The following PTCH1 variants were observed in gnomAD, a reference collection of about 807,000 sequenced individuals.
PTCH1 encodes protein patched homolog 1.
PTCH1 carries 14 observed loss-of-function variants against 144.6 expected under a neutral mutation model. The ratio of observed to expected loss-of-function variants is 0.10; its 90% confidence interval spans 0.06 to 0.15. PTCH1 has a LOEUF of 0.15. PTCH1 is among the 10% of genes least tolerant of loss of function. The pLI, the probability that PTCH1 is intolerant of heterozygous loss-of-function variation, is 1.00. For missense variants in PTCH1, 1,623 were observed against 1,948.3 expected (o/e 0.83, Z 3.14); for synonymous variants, 833 against 793.6 (o/e 1.05, Z -0.83).
At chr9:95,509,724 C>T (rs34241213), upstream of PTCH1, among the ~76,000 whole-genome samples, 3,696 of 152,256 alleles carry the variant, frequency 0.024, 78 homozygotes, top group Admixed American at 0.058. Flanking sequence ...TCAGAGGCAC[C>T]TTGGCCTCAA....
At chr9:95,485,915 C>T (rs1316699688) in intron 2 of PTCH1, 41 bp from the exon 3 acceptor site, 6 of 1,606,764 alleles carry the variant, frequency 3.7e-6, no homozygotes, top group South Asian at 3.3e-5. Context: ...AGCAAAATCA[C>T]TGCAAACTCA....
Position 95,444,941 on chromosome 9 carries a change from T to C in PTCH1, c.*1452A>G, listed in dbSNP as rs979945828. ...CCCCTGCCTACATCTTTCAGTGGGG[T>C]GTGTCCATCCTCCTGCTTTCCCACA... is the stretch of plus-strand genomic sequence containing the variant. On this transcript the variant is annotated 3_prime_UTR_variant, in exon 24 of 24. Coordinates refer to ENST00000331920, the MANE Select transcript of PTCH1 (RefSeq NM_000264.5). 1 of 152,198 alleles carries C rather than the reference T, an allele frequency of 6.6e-6. No individual in the cohort carries two copies. Among genetic ancestry groups the C allele is most frequent in the Non-Finnish European group, 1.5e-5 (1 of 68,056 alleles). 9.4% of individuals were successfully genotyped at this position (152,198 alleles called of 1,614,324 possible).
At chr9:95,506,676 G>GCCCGCTTGCGCGCACCCA in intron 1 of PTCH1, 77 bp from the exon 2 acceptor site, 1 of 1,350,742 alleles carries the variant, frequency 7.4e-7, no homozygotes, top group Non-Finnish European at 9.7e-7. Flanking sequence ...GCGCGCACCC[G>GCCCGCTTGCGCGCACCCA]CCCGGTGAGC....
At chr9:95,516,228 G>T (rs1468257098) in intron 1 of PTCH1, among the ~76,000 whole-genome samples, 1 of 149,110 alleles carries the variant, frequency 6.7e-6, no homozygotes, top group African/African-American at 2.4e-5. Context: ...GGCCTCGGGG[G>T]CGGGGGCCCG....
chr9:95,479,069 G>A lies in PTCH1; in HGVS notation c.1146C>T (p.Val382=), dbSNP rs761718160. The A allele has an allele frequency of 2.5e-6, 4 of 1,614,052 alleles. No homozygotes were observed. The highest frequency in any genetic ancestry group is 3.4e-6 in the Non-Finnish European group (4 of 1,180,052). ...TGTCCTCGTTCCAGTTGATGTGTGA[G>A]ACATACTCGTACCCCTTGAAGTGCT... ...MYEHFKGYEY[V]SHINWNEDKA... is the part of the protein sequence containing the mutation. Residue 382 remains valine, a synonymous_variant, in exon 8 of 24, where the codon GTC becomes GTT. Transcript: ENST00000331920.
intron 1 of PTCH1, chr9:95,507,488 G>T: frequency 1.0e-6 from 1 of 964,900 alleles, no homozygotes; most frequent in Non-Finnish European, 1.2e-6. Flanking sequence ...CTCGCACCGC[G>T]AATTTAAGGT....
At chr9:95,516,768 G>C in exon 1 of PTCH1, 3 of 1,613,322 alleles carry the variant, frequency 1.9e-6, no homozygotes, top group South Asian at 2.2e-5. Context: ...GGCTTTCGGC[G>C]GAGTGCAGCG....
At chr9:95,503,550 A>AGAATGAAT (rs111557741) in intron 2 of PTCH1, among the ~76,000 whole-genome samples, 3 of 152,108 alleles carry the variant, frequency 2.0e-5, no homozygotes, top group African/African-American at 7.2e-5. Flanking sequence ...AATCTAGCAC[A>AGAATGAAT]GAATGAATGA....
intron 2 of PTCH1, among the ~76,000 whole-genome samples, chr9:95,496,014 A>AAT (rs1249961940): frequency 6.6e-6 from 1 of 152,182 alleles, no homozygotes; most frequent in African/African-American, 2.4e-5. Context: ...CGTATCTGTT[A>AAT]TATTTCTGTC....
chr9:95,475,436 A>G (rs149800164), intron 12 of PTCH1, among the ~76,000 whole-genome samples: 1 of 152,224 alleles, frequency 6.6e-6, no homozygotes, highest in Non-Finnish European at 1.5e-5. Flanking sequence ...GGGACAGGAA[A>G]GATTGTGGCG....
chr9:95,516,124 G>A (rs1844352076), intron 1 of PTCH1, among the ~76,000 whole-genome samples: 1 of 151,936 alleles, frequency 6.6e-6, no homozygotes, highest in Admixed American at 6.5e-5. Context: ...CGTGAAAATG[G>A]GAGCTCCGGC....
chr9:95,447,420 G>A lies in PTCH1; in HGVS notation c.3836C>T (p.Pro1279Leu), dbSNP rs747128318. 6.2e-6 allele frequency: 10 copies of A among 1,602,064 alleles called. No homozygotes were observed. The Admixed American group carries it at 1.7e-4, about 27-fold the overall frequency. The change falls in exon 23 of 24, where the codon CCC (proline) becomes CTC (leucine). Residue 1279 changes from proline to leucine, a missense_variant. This residue lies in a region of PTCH1 where 291 missense variants were observed against 287.4 expected (regional missense o/e 1.01). Coordinates refer to ENST00000331920, the MANE Select transcript of PTCH1 (RefSeq NM_000264.5). ...VVHPESRHHP[P>L]SNPRQQPHLD... The stretch of plus-strand genomic sequence containing the variant: ...GTGGGGCTGCTGTCTCGGGTTCGAG[G>A]GTGGGTGATGCCTGGATTCGGGATG...
chr9:95,489,693 G>A (rs190196076), intron 2 of PTCH1, among the ~76,000 whole-genome samples: 9 of 151,906 alleles, frequency 5.9e-5, no homozygotes, highest in African/African-American at 2.2e-4. Flanking sequence ...TCTAATGTTC[G>A]TGAAATAGTG....
In PTCH1 at chr9:95,443,127, G is replaced by A. The variant is rs1563998286; in HGVS notation, c.*3266C>T. On this transcript the variant is annotated 3_prime_UTR_variant, in exon 24 of 24. Transcript: ENST00000331920. ...TATGAGAAAACAAAAATAGGGTCAGGTGATAAGAAATTAATTAATGGGTAC... is the reference window on the plus strand; with the variant it reads ...TATGAGAAAACAAAAATAGGGTCAGATGATAAGAAATTAATTAATGGGTAC... The A allele has an allele frequency of 6.6e-6, 1 of 152,164 alleles. No individual in the cohort carries two copies. Among genetic ancestry groups the A allele is most frequent in the Non-Finnish European group, 1.5e-5 (1 of 68,030 alleles). The allele number at this position is 152,164 out of a possible 1,614,324, so 9.4% of individuals were successfully genotyped here. A position where few individuals can be genotyped will look rare whatever the true frequency, so the allele number is the denominator to read the frequency against.
intron 2 of PTCH1, among the ~76,000 whole-genome samples, chr9:95,501,760 T>C (rs968352807): frequency 6.6e-6 from 1 of 152,156 alleles, no homozygotes; most frequent in African/African-American, 2.4e-5. Flanking sequence ...AAGAAACTTG[T>C]TCTGAGGGAG....
chr9:95,453,552 G>T lies in PTCH1; in HGVS notation c.3375C>A (p.Pro1125=), dbSNP rs369760318. ...AVLALEHMFA[P]VLDGAVSTLL... is the part of the protein sequence containing the mutation. The stretch of plus-strand genomic sequence containing the variant: ...GAGTGGACACGGCGCCATCCAGGAC[G>T]GGTGCAAACATGTGCTCCAGGGCAA... The change falls in exon 20 of 24, where the codon CCC becomes CCA. Residue 1125 remains proline (P), a synonymous_variant. Coordinates refer to ENST00000331920, the MANE Select transcript of PTCH1 (RefSeq NM_000264.5). 1 of 1,614,082 alleles carries T rather than the reference G, an allele frequency of 6.2e-7. No homozygotes were observed. The highest frequency in any genetic ancestry group is 1.3e-5 in the African/African-American group (1 of 75,050).
intron 12 of PTCH1, among the ~76,000 whole-genome samples, chr9:95,475,360 A>T (rs1207434270): frequency 6.6e-6 from 1 of 152,108 alleles, no homozygotes; most frequent in Non-Finnish European, 1.5e-5. Context: ...TGGGAAGGTG[A>T]GAGGGATCAT....
chr9:95,486,223 T>C (rs1457520517), intron 2 of PTCH1, among the ~76,000 whole-genome samples: 2 of 152,250 alleles, frequency 1.3e-5, no homozygotes, highest in East Asian at 3.8e-4. Flanking sequence ...CTTTCACTTG[T>C]ATAAACAATG....
At position 95,508,680 on chromosome 9, in the gene PTCH1, G is replaced by A; in HGVS notation, c.-319C>T. On this transcript the variant is annotated 5_prime_UTR_variant, in exon 1 of 24. Coordinates refer to ENST00000331920, the MANE Select transcript of PTCH1 (RefSeq NM_000264.5). ...CCAGTTCGCGGAAGAGCGAGAGCCG[G>A]CGCGCCGAGCGAGCCTGTCCTTCGG... The A allele has an allele frequency of 2.0e-6, 2 of 987,336 alleles. No individual in the cohort carries two copies. The highest frequency in any genetic ancestry group is 2.4e-6 in the Non-Finnish European group (2 of 831,358). The allele number at this position is 987,336 out of a possible 1,614,324, so 61.2% of individuals were successfully genotyped here.
Sources: gnomAD v4.1 joint callset for allele counts (sites outside exome capture counted in the v4.1 genomes callset) on GRCh38, gnomAD v4.1.1 for gene constraint, gnomAD v4.1.1 regional missense constraint, MANE v1.5 for transcripts, NCBI Gene and HGNC (gene_info 2026-07-23, HGNC 2026-07-21) for gene names.